The following ZNF667 variants were observed in gnomAD, a reference collection of about 807,000 sequenced individuals.
The protein encoded by ZNF667 is zinc finger protein 667.
In ZNF667, 13 loss-of-function variants were observed where a neutral mutation model predicts 31.8. That is an observed-to-expected ratio of 0.41 (90% CI 0.27 to 0.65). ZNF667 has a LOEUF of 0.65. ZNF667 is among the 30% of genes least tolerant of loss of function. The pLI is 0.32. For missense variants in ZNF667, 642 were observed against 725.6 expected (o/e 0.88, Z 1.32); for synonymous variants, 228 against 247.1 (o/e 0.92, Z 0.73).
At chr19:56,463,937 TACTC>T (rs1199520147) in intron 3 of ZNF667, among the ~76,000 whole-genome samples, 1 of 152,220 alleles carries the variant, frequency 6.6e-6, no homozygotes, top group African/African-American at 2.4e-5. Flanking sequence ...GAAAAACTGA[TACTC>T]AATTTGGTTA....
At chr19:56,456,640 G>A (rs1291910179) in intron 6 of ZNF667, among the ~76,000 whole-genome samples, 2 of 152,250 alleles carry the variant, frequency 1.3e-5, no homozygotes, top group African/African-American at 4.8e-5. Context: ...ATGCAGATAC[G>A]CTGATGTTAA....
chr19:56,461,965 C>T (rs961958192), intron 4 of ZNF667, among the ~76,000 whole-genome samples: 19 of 152,198 alleles, frequency 1.2e-4, no homozygotes, highest in Admixed American at 1.0e-3. Flanking sequence ...ATGTCAAGTC[C>T]CCTCTGCTAC....
rs113580964 is a variant in ZNF667, at chr19:56,440,341, C to T, written c.*821G>A. On this transcript the variant is annotated 3_prime_UTR_variant, in exon 7 of 7. Coordinates refer to ENST00000504904, the MANE Select transcript of ZNF667 (RefSeq NM_001321356.2). The stretch of plus-strand genomic sequence containing the variant: ...CCATGAAGATCATATATCCTCATAT[C>T]CGTGGAGATGGTAAAGTAAGGTTTC... 2,462 of 152,428 alleles carry T rather than the reference C, an allele frequency of 0.016. 74 individuals are homozygous for T. The highest frequency in any genetic ancestry group is 0.055 in the African/African-American group (2,276 of 41,514). The allele number at this position is 152,428 out of a possible 1,614,324, so 9.4% of individuals were successfully genotyped here. A position where few individuals can be genotyped will look rare whatever the true frequency, so the allele number is the denominator to read the frequency against.
chr19:56,449,613 C>A (rs139010117), intron 6 of ZNF667: 5,548 of 180,004 alleles, frequency 0.031, 205 homozygotes, highest in African/African-American at 0.099. Context: ...ACCCAGGAGG[C>A]GGAGGTTGCA....
At position 56,441,016 on chromosome 19, in the gene ZNF667, A is replaced by C. The variant is rs1031397591; in HGVS notation, c.*146T>G. 26 of 1,434,684 alleles carry C rather than the reference A, an allele frequency of 1.8e-5. No homozygotes were observed. The highest frequency in any genetic ancestry group is 2.4e-5 in the Non-Finnish European group (26 of 1,096,820). 88.9% of individuals were successfully genotyped at this position (1,434,684 alleles called of 1,614,324 possible). Reference sequence around the variant, plus strand: ...GTTAATTTCAAATCCTGAGGTCAAAATCACCAATGACTTTTGCTCTTTGGC... The same window carrying C: ...GTTAATTTCAAATCCTGAGGTCAAACTCACCAATGACTTTTGCTCTTTGGC... On this transcript the variant is annotated 3_prime_UTR_variant, in exon 7 of 7. Transcript: ENST00000504904. The surrounding 1 kb of genome is among the most constrained non-coding windows in gnomAD (Gnocchi z 4.2).
At position 56,442,865 on chromosome 19, in the gene ZNF667, T is replaced by A. The variant is rs2042645227; in HGVS notation, c.254-124A>T. 3 of 1,301,450 alleles carry A rather than the reference T, an allele frequency of 2.3e-6. No homozygotes were observed. The South Asian group carries it at 5.8e-5, about 25-fold the overall frequency. 80.6% of individuals were successfully genotyped at this position (1,301,450 alleles called of 1,614,324 possible). A position where few individuals can be genotyped will look rare whatever the true frequency, so the allele number is the denominator to read the frequency against. The stretch of plus-strand genomic sequence containing the variant: ...AATTATGATTACCAAAACATAACTT[T>A]TTAGTGTTTTATTGTGGTTTTGATG... On this transcript the variant is annotated intron_variant, in intron 6 of 6. Coordinates refer to ENST00000504904, the MANE Select transcript of ZNF667 (RefSeq NM_001321356.2).
At chr19:56,467,382 T>A (rs747031498) in intron 3 of ZNF667, among the ~76,000 whole-genome samples, 2 of 152,082 alleles carry the variant, frequency 1.3e-5, no homozygotes, top group South Asian at 4.1e-4. Context: ...ATCCTGAAAA[T>A]GGAAAACACA....
chr19:56,463,290 A>G (rs777004358), intron 3 of ZNF667, among the ~76,000 whole-genome samples: 3 of 152,114 alleles, frequency 2.0e-5, no homozygotes, highest in Non-Finnish European at 2.9e-5. Context: ...GACAGGACTC[A>G]CTAGGTAGCT....
chr19:56,441,601 T>C lies in ZNF667; in HGVS notation c.1394A>G (p.His465Arg). Reference sequence around the variant, plus strand: ...ACACTGGTAGGGTTTTTCTCCAGTATGAATTCTTTGATGTTCAATAAGAAA... The same window carrying C: ...ACACTGGTAGGGTTTTTCTCCAGTACGAATTCTTTGATGTTCAATAAGAAA... ...QSFLIEHQRI[H>R]TGEKPYQCEE... The change falls in exon 7 of 7, where the codon CAT becomes CGT. Residue 465 changes from histidine to arginine, a missense_variant. Coordinates refer to ENST00000504904, the MANE Select transcript of ZNF667 (RefSeq NM_001321356.2). The surrounding 1 kb of genome is among the most constrained non-coding windows in gnomAD (Gnocchi z 4.2). The C allele has an allele frequency of 6.2e-7, 1 of 1,614,148 alleles. No individual in the cohort carries two copies. Among genetic ancestry groups the C allele is most frequent in the South Asian group, 1.1e-5 (1 of 91,080 alleles).
intron 2 of ZNF667, among the ~76,000 whole-genome samples, chr19:56,473,528 ATAG>A (rs993532297): frequency 2.0e-5 from 3 of 152,246 alleles, no homozygotes; most frequent in African/African-American, 7.2e-5. Flanking sequence ...AAGTAGAACC[ATAG>A]TAGTGATTCC....
At position 56,471,729 on chromosome 19, in the gene ZNF667, C is replaced by G. The variant is rs991094391; in HGVS notation, c.-90G>C. The G allele has an allele frequency of 1.3e-5, 2 of 152,182 alleles. No homozygotes were observed. The highest frequency in any genetic ancestry group is 2.9e-5 in the Non-Finnish European group (2 of 68,040). 9.4% of individuals were successfully genotyped at this position (152,182 alleles called of 1,614,324 possible). A position where few individuals can be genotyped will look rare whatever the true frequency, so the allele number is the denominator to read the frequency against. Reference sequence around the variant, plus strand: ...AAGCAGATCAGTTGGCTTTCCCCTTCCAATTACTTAGGTAAAATGACTTGT... The same window carrying G: ...AAGCAGATCAGTTGGCTTTCCCCTTGCAATTACTTAGGTAAAATGACTTGT... On this transcript the variant is annotated 5_prime_UTR_variant, in exon 3 of 7. Transcript: ENST00000504904.
In ZNF667 at chr19:56,458,236, G is replaced by C; in HGVS notation, c.172C>G (p.Arg58Gly). Residue 58 changes from arginine to glycine, a missense_variant, in exon 6 of 7, where the codon CGG becomes GGG. Arg to Gly is a moderately radical substitution (Grantham distance 125). Coordinates refer to ENST00000504904, the MANE Select transcript of ZNF667 (RefSeq NM_001321356.2). ...RNLVSLGLSFRRPNVITLLEK... is the reference protein window; with the variant it reads ...RNLVSLGLSFGRPNVITLLEK... ...AATAAGGTGATCACATTTGGTCTCC[G>C]AAAGGAAAGACCTGTACGTGGGACA... 3 of 1,613,930 alleles carry C rather than the reference G, an allele frequency of 1.9e-6. No individual in the cohort carries two copies. Among genetic ancestry groups the C allele is most frequent in the South Asian group, 1.1e-5 (1 of 91,066 alleles).
At chr19:56,474,881 A>G (rs1284496733) in intron 1 of ZNF667, 1 of 152,164 alleles carries the variant, frequency 6.6e-6, no homozygotes, top group African/African-American at 2.4e-5. Context: ...CATTGAAGGC[A>G]TCGTTTAGAA....
At chr19:56,472,390 C>T (rs1203035803) in intron 2 of ZNF667, 1 of 152,134 alleles carries the variant, frequency 6.6e-6, no homozygotes, top group Non-Finnish European at 1.5e-5. Flanking sequence ...GCTTGCCTTC[C>T]TTTTCCTTTT....
intron 4 of ZNF667, 134 bp downstream of exon 4, chr19:56,462,204 A>C (rs2043059185): frequency 8.9e-7 from 1 of 1,123,036 alleles, no homozygotes. Context: ...CCCTCATGGC[A>C]ACGGGAGAAA....
At chr19:56,462,457 A>G (rs2043065963) in intron 3 of ZNF667, 28 bp from the exon 4 acceptor site, 1 of 1,514,286 alleles carries the variant, frequency 6.6e-7, no homozygotes, top group Admixed American at 1.7e-5. Flanking sequence ...GTCATGAGGC[A>G]GTGCCAGAGT....
chr19:56,473,866 A>G (rs1238683375), intron 2 of ZNF667, 146 bp downstream of exon 2: 1 of 152,254 alleles, frequency 6.6e-6, no homozygotes, highest in Non-Finnish European at 1.5e-5. Flanking sequence ...AAAAGTTTGT[A>G]GCAGTGACTG....
Position 56,441,138 on chromosome 19 carries a change from TG to T in ZNF667, c.*23del. On this transcript the variant is annotated 3_prime_UTR_variant, in exon 7 of 7. Coordinates refer to ENST00000504904, the MANE Select transcript of ZNF667 (RefSeq NM_001321356.2). The surrounding 1 kb of genome is among the most constrained non-coding windows in gnomAD (Gnocchi z 4.2). ...CCATATGTTTGATAGCCTCATTCGT[TG>T]ATTTTATAGATTTAAAACAACCTTA... 1 of 1,572,784 alleles carries T rather than the reference TG, an allele frequency of 6.4e-7. No homozygotes were observed. Among genetic ancestry groups the T allele is most frequent in the Non-Finnish European group, 8.6e-7 (1 of 1,158,612 alleles).
intron 3 of ZNF667, chr19:56,470,167 A>C: frequency 2.6e-6 from 1 of 390,286 alleles, no homozygotes; most frequent in Non-Finnish European, 5.2e-6. Flanking sequence ...AGATGAGATC[A>C]TATCAGTCAG....
Sources: allele counts gnomAD v4.1 joint callset (sites outside exome capture counted in the v4.1 genomes callset), GRCh38; gene constraint gnomAD v4.1.1; non-coding constraint Gnocchi (gnomAD v3.1); transcripts MANE v1.5; gene names NCBI Gene and HGNC (gene_info 2026-07-23, HGNC 2026-07-21).